The following ERG variants were observed in gnomAD, a reference collection of about 807,000 sequenced individuals.
The protein encoded by ERG is ETS transcription factor ERG, also known as transcriptional regulator ERG.
Under a neutral mutation model 55.3 loss-of-function variants are expected in ERG, and 9 were observed. The ratio of observed to expected loss-of-function variants is 0.16; its 90% CI spans 0.10 to 0.28. The LOEUF (loss-of-function observed/expected upper bound fraction) is 0.28. ERG is among the 10% of genes least tolerant of loss of function. The pLI is 1.00. For missense variants in ERG, 434 were observed against 631.6 expected, an observed-to-expected ratio of 0.69 and a Z score of 3.35; for synonymous variants, 223 against 237.3, an observed-to-expected ratio of 0.94 and a Z score of 0.55.
intron 2 of ERG, among the ~76,000 whole-genome samples, chr21:38,514,333 A>G (rs781780952): frequency 6.6e-6 from 1 of 151,850 alleles, no homozygotes; most frequent in Non-Finnish European, 1.5e-5. Context: ...TTATGGGTCA[A>G]TTTCATACAT....
Position 38,381,867 on chromosome 21 carries a change from C to G in ERG, c.*1536G>C. 1 of 1,063,770 alleles carries G rather than the reference C, an allele frequency of 9.4e-7. No individual in the cohort carries two copies. Among genetic ancestry groups the G allele is most frequent in the Non-Finnish European group, 1.1e-6 (1 of 878,282 alleles). 65.9% of individuals were successfully genotyped at this position (1,063,770 alleles called of 1,614,324 possible). A position where few individuals can be genotyped will look rare whatever the true frequency, so the allele number is the denominator to read the frequency against. ...GGGAGGCAAGAAGGACCTGGAGAGG[C>G]TGACGCCATTTGGGTGCCAAACATC... On this transcript the variant is annotated 3_prime_UTR_variant, in exon 10 of 10. Transcript: ENST00000288319.
At position 38,420,955 on chromosome 21, in the gene ERG, G is replaced by A. The variant is rs572470694; in HGVS notation, c.388+2455C>T. Among the ~76,000 whole-genome samples, 45 of 152,298 alleles carry A rather than the reference G, an allele frequency of 3.0e-4. 1 individual carries two copies. The South Asian group carries it at 8.7e-3, about 29-fold the overall frequency. ...AGGAGGAGGGCAAAGGGTGAGATGG[G>A]TTAGGGGGCTTCCTTTGGGTGTCTA... On this transcript the variant is annotated intron_variant, in intron 3 of 9. Transcript: ENST00000288319.
chr21:38,537,433 GAAA>G (rs111811547), intron 2 of ERG, among the ~76,000 whole-genome samples: 2 of 117,372 alleles, frequency 1.7e-5, no homozygotes, highest in East Asian at 2.5e-4. Flanking sequence ...TTAATATCCA[GAAA>G]AAAAAATATA....
chr21:38,659,123 T>G (rs2060536934), intron 1 of ERG, among the ~76,000 whole-genome samples: 1 of 152,184 alleles, frequency 6.6e-6, no homozygotes, highest in Admixed American at 6.5e-5. Flanking sequence ...GGATTACCCA[T>G]TTGCTAATTC....
At chr21:38,630,932 A>G (rs2060352722) in intron 1 of ERG, among the ~76,000 whole-genome samples, 1 of 152,202 alleles carries the variant, frequency 6.6e-6, no homozygotes, top group African/African-American at 2.4e-5. Flanking sequence ...AAGCACTACA[A>G]AGAAAAAATA....
intron 1 of ERG, among the ~76,000 whole-genome samples, chr21:38,627,851 T>C (rs1316471480): frequency 6.6e-6 from 1 of 152,204 alleles, no homozygotes; most frequent in Admixed American, 6.5e-5. Context: ...TGTATATCTT[T>C]ATATAACCAT....
In ERG at chr21:38,381,613, A is replaced by G; in HGVS notation, c.*1790T>C. The G allele has an allele frequency of 2.8e-6, 3 of 1,063,488 alleles. No homozygotes were observed. Among genetic ancestry groups the G allele is most frequent in the Non-Finnish European group, 3.4e-6 (3 of 878,158 alleles). The allele number at this position is 1,063,488 out of a possible 1,614,324, so 65.9% of individuals were successfully genotyped here. On this transcript the variant is annotated 3_prime_UTR_variant, in exon 10 of 10. Transcript: ENST00000288319. Reference sequence around the variant, plus strand: ...AGCTATCCATGACGCTTTATTTGCCAGTAATAATACAGTTTGCCTTACGAG... The same window carrying G: ...AGCTATCCATGACGCTTTATTTGCCGGTAATAATACAGTTTGCCTTACGAG...
chr21:38,592,571 C>CTGTGTGTGTGTGTGTGTGTGTG (rs56195027), intron 1 of ERG, among the ~76,000 whole-genome samples: 2 of 148,100 alleles, frequency 1.4e-5, no homozygotes, highest in African/African-American at 5.0e-5. Flanking sequence ...TCTCCCTTCA[C>CTGTGTGTGTGTGTGTGTGTGTG]TGTGTGTGTG....
At chr21:38,623,785 G>A (rs1355572268) in intron 1 of ERG, among the ~76,000 whole-genome samples, 4 of 152,184 alleles carry the variant, frequency 2.6e-5, no homozygotes, top group Non-Finnish European at 5.9e-5. Flanking sequence ...ATCTGTGCAT[G>A]TGGGCCCCTT....
intron 2 of ERG, among the ~76,000 whole-genome samples, chr21:38,432,151 G>A (rs185727808): frequency 6.6e-6 from 1 of 152,186 alleles, no homozygotes; most frequent in Admixed American, 6.5e-5. Context: ...CTGGAGTACA[G>A]AGGTATGATT....
At chr21:38,619,422 C>T (rs1294513528) in intron 1 of ERG, among the ~76,000 whole-genome samples, 1 of 152,106 alleles carries the variant, frequency 6.6e-6, no homozygotes, top group African/African-American at 2.4e-5. Context: ...CCCTCCTGCT[C>T]CCCCATTTAA....
chr21:38,473,640 T>C (rs2059160390), intron 1 of ERG, among the ~76,000 whole-genome samples: 2 of 152,028 alleles, frequency 1.3e-5, no homozygotes, highest in African/African-American at 4.8e-5. Context: ...GAGAAAATAA[T>C]TGAGAGAGGG....
At chr21:38,433,936 C>A (rs2146530666) in intron 2 of ERG, among the ~76,000 whole-genome samples, 1 of 152,252 alleles carries the variant, frequency 6.6e-6, no homozygotes. Flanking sequence ...CCTCTTGCAC[C>A]TGGACACGAC....
intron 1 of ERG, among the ~76,000 whole-genome samples, chr21:38,644,457 G>C (rs2146975181): frequency 6.6e-6 from 1 of 152,236 alleles, no homozygotes; most frequent in South Asian, 2.1e-4. Context: ...TAGCAAACAA[G>C]AGCCTTCCCA....
intron 1 of ERG, among the ~76,000 whole-genome samples, chr21:38,604,429 A>T (rs2060184747): frequency 6.6e-6 from 1 of 152,198 alleles, no homozygotes; most frequent in Non-Finnish European, 1.5e-5. Context: ...TAATACACAA[A>T]TGTAAAATGA....
intron 1 of ERG, among the ~76,000 whole-genome samples, chr21:38,447,760 A>G (rs1031124458): frequency 9.2e-5 from 14 of 152,084 alleles, no homozygotes; most frequent in Non-Finnish European, 4.4e-5. Flanking sequence ...TCAGAACAGG[A>G]AACAGAGCTG....
At chr21:38,504,579 C>T (rs936950399) in intron 2 of ERG, among the ~76,000 whole-genome samples, 2 of 152,254 alleles carry the variant, frequency 1.3e-5, no homozygotes, top group Admixed American at 6.5e-5. Context: ...CTTCTTTGTC[C>T]GTATAACTGG....
chr21:38,590,708 T>TATCC (rs541525957), intron 1 of ERG, among the ~76,000 whole-genome samples: 33 of 152,260 alleles, frequency 2.2e-4, no homozygotes, highest in African/African-American at 6.5e-4. Flanking sequence ...TCCATCCATC[T>TATCC]ATCCATCCAT....
At chr21:38,641,566 G>A (rs1411847130) in intron 1 of ERG, among the ~76,000 whole-genome samples, 3 of 152,058 alleles carry the variant, frequency 2.0e-5, no homozygotes, top group Admixed American at 6.5e-5. Flanking sequence ...GTCCCCCTTT[G>A]TTATGTTAGT....
Sources: allele counts gnomAD v4.1 joint callset (sites outside exome capture counted in the v4.1 genomes callset), GRCh38; gene constraint gnomAD v4.1.1; transcripts MANE v1.5; gene names NCBI Gene and HGNC (gene_info 2026-07-23, HGNC 2026-07-21).